The following AHCY variants were observed in gnomAD, a reference collection of about 807,000 sequenced individuals.
AHCY encodes S-adenosyl-L-homocysteine hydrolase.
AHCY carries 24 observed loss-of-function variants against 45.4 expected under a neutral mutation model. That is an observed-to-expected ratio of 0.53 (90% CI 0.38 to 0.74). The LOEUF (loss-of-function observed/expected upper bound fraction) is 0.74. AHCY is among the 30% of genes least tolerant of loss of function. The pLI is 0.00. For missense variants in AHCY, 449 were observed against 594.1 expected, an observed-to-expected ratio of 0.76 and a Z score of 2.54; for synonymous variants, 245 against 235.1, an observed-to-expected ratio of 1.04 and a Z score of -0.39.
At chr20:34,302,907 G>T (rs2036827872) in intron 1 of AHCY, 4 of 985,344 alleles carry the variant, frequency 4.1e-6, no homozygotes, top group South Asian at 4.7e-5. Flanking sequence ...CCGGGCGCAG[G>T]CCCCCCGAGC....
the AHCY span, chr20:34,246,431 G>T: frequency 1.5e-6 from 2 of 1,360,206 alleles, no homozygotes; most frequent in South Asian, 1.2e-5. Flanking sequence ...TGTTGGTAAT[G>T]AACAGACTCC....
the AHCY span, among the ~76,000 whole-genome samples, chr20:34,251,592 A>G: frequency 1.3e-5 from 2 of 152,162 alleles, no homozygotes; most frequent in East Asian, 3.9e-4. Context: ...GTAACTATTT[A>G]AGCTGCCCAG....
At chr20:34,298,810 T>C (rs954482736) in intron 1 of AHCY, among the ~76,000 whole-genome samples, 2 of 152,166 alleles carry the variant, frequency 1.3e-5, no homozygotes, top group Admixed American at 1.3e-4. Context: ...GCCTTCTAGA[T>C]AGCAGTAGTA....
chr20:34,294,469 G>T (rs1217292437), intron 2 of AHCY, among the ~76,000 whole-genome samples: 1 of 152,226 alleles, frequency 6.6e-6, no homozygotes. Context: ...GAGATGATGA[G>T]AAGTTGTCAC....
At chr20:34,260,474 A>C in the AHCY span, 1 of 1,614,102 alleles carries the variant, frequency 6.2e-7, no homozygotes, top group Non-Finnish European at 8.5e-7. Flanking sequence ...CCGAGATGAC[A>C]GGAGCCTGAG....
the AHCY span, among the ~76,000 whole-genome samples, chr20:34,235,866 A>AAGGG: frequency 2.6e-3 from 97 of 36,842 alleles, 1 homozygote; most frequent in Middle Eastern, 0.02. Flanking sequence ...GGAAGGAAGG[A>AAGGG]AAGGAAGGAA....
At chr20:34,248,285 G>A in the AHCY span, among the ~76,000 whole-genome samples, 1 of 152,018 alleles carries the variant, frequency 6.6e-6, no homozygotes, top group Non-Finnish European at 1.5e-5. Flanking sequence ...ATGAACTTAT[G>A]ACATCTCAAT....
chr20:34,311,567 T>C (rs1450576683), exon 1 of AHCY: 1 of 152,442 alleles, frequency 6.6e-6, no homozygotes, highest in African/African-American at 2.4e-5. Flanking sequence ...GCCTGCCCTT[T>C]GGCCGCGGGG....
the AHCY span, among the ~76,000 whole-genome samples, chr20:34,268,353 G>A: frequency 1.3e-5 from 2 of 152,104 alleles, no homozygotes; most frequent in Non-Finnish European, 2.9e-5. Flanking sequence ...AGTTAACAGG[G>A]GTCGGAGAGG....
chr20:34,295,888 A>G (rs1426985721), intron 1 of AHCY, among the ~76,000 whole-genome samples: 1 of 151,770 alleles, frequency 6.6e-6, no homozygotes, highest in African/African-American at 2.4e-5. Flanking sequence ...ACTTCCCACT[A>G]CCCTGCCTTT....
chr20:34,254,366 C>T, the AHCY span, among the ~76,000 whole-genome samples: 15 of 152,286 alleles, frequency 9.8e-5, no homozygotes, highest in African/African-American at 3.6e-4. Context: ...CCCGGCCTAG[C>T]ATTATTGTCC....
the AHCY span, among the ~76,000 whole-genome samples, chr20:34,268,720 T>C: frequency 7.0e-6 from 1 of 143,006 alleles, no homozygotes; most frequent in Admixed American, 7.0e-5. Flanking sequence ...GCTGACAGAG[T>C]GAAACCCTGT....
chr20:34,260,234 T>A, the AHCY span: 2 of 866,436 alleles, frequency 2.3e-6, no homozygotes, highest in Non-Finnish European at 3.5e-6. Flanking sequence ...GCCTTGCTAA[T>A]CCTCCAGCTC....
the AHCY span, among the ~76,000 whole-genome samples, chr20:34,274,694 T>G: frequency 6.6e-6 from 1 of 151,992 alleles, no homozygotes; most frequent in Non-Finnish European, 1.5e-5. Flanking sequence ...CTCCTGTAAT[T>G]CCAGCACTTT....
At chr20:34,267,661 G>C in the AHCY span, among the ~76,000 whole-genome samples, 1 of 151,912 alleles carries the variant, frequency 6.6e-6, no homozygotes, top group Admixed American at 6.6e-5. Flanking sequence ...CCTCCCGGGA[G>C]TAGCTGGGAT....
the AHCY span, among the ~76,000 whole-genome samples, chr20:34,265,832 C>G: frequency 1.3e-5 from 2 of 152,032 alleles, no homozygotes; most frequent in East Asian, 3.9e-4. Flanking sequence ...CGCCTGTAAT[C>G]CCAGCTACTC....
At position 34,290,822 on chromosome 20, in the gene AHCY, GC is replaced by G. The variant is rs757508638; in HGVS notation, c.674del (p.Gly225AlafsTer35). On this transcript the variant is annotated frameshift_variant, in exon 6 of 10. Coordinates refer to ENST00000217426, the MANE Select transcript of AHCY (RefSeq NM_000687.4). LOFTEE classifies it high-confidence loss of function. The surrounding 1 kb of genome is among the most constrained non-coding windows in gnomAD (Gnocchi z 4.5). ...VAVVAGYGDV[G>X]KGCAQALRGF... ...CCCGCAGGGCCTGGGCACAGCCCTTGCCCACATCACCATAGCCTGCTACCAC... is the reference window on the plus strand; with the variant it reads ...CCCGCAGGGCCTGGGCACAGCCCTTGCCACATCACCATAGCCTGCTACCAC... 1 of 1,614,116 alleles carries G rather than the reference GC, an allele frequency of 6.2e-7. No homozygotes were observed. The highest frequency in any genetic ancestry group is 8.5e-7 in the Non-Finnish European group (1 of 1,180,016).
the AHCY span, chr20:34,269,119 C>G: frequency 7.0e-6 from 11 of 1,560,468 alleles, no homozygotes; most frequent in African/African-American, 1.4e-5. Flanking sequence ...GCCAGTGCCG[C>G]TTCTTCCGCA....
chr20:34,302,623 T>C, intron 1 of AHCY: 1 of 985,662 alleles, frequency 1.0e-6, no homozygotes, highest in Non-Finnish European at 1.2e-6. Flanking sequence ...TACACTTCAA[T>C]CGGTGGGACA....
Sources: allele counts gnomAD v4.1 joint callset (sites outside exome capture counted in the v4.1 genomes callset), GRCh38; gene constraint gnomAD v4.1.1; non-coding constraint Gnocchi (gnomAD v3.1); transcripts MANE v1.5; gene names NCBI Gene and HGNC (gene_info 2026-07-23, HGNC 2026-07-21).